The following DLGAP1 variants were observed in gnomAD, a reference collection of about 807,000 sequenced individuals.
DLGAP1 encodes DLG associated protein 1, also known as disks large-associated protein 1.
In DLGAP1, 11 loss-of-function variants were observed where a neutral mutation model predicts 90.8. The observed-to-expected ratio is 0.12, with a 90% CI of 0.08 to 0.20. The LOEUF (loss-of-function observed/expected upper bound fraction) is 0.20, where lower values mean the gene tolerates loss of function less well. Among genes scored for constraint, DLGAP1 ranks in the 10% least tolerant of loss-of-function variants. The pLI is 1.00. For synonymous variants in DLGAP1, 558 were observed against 540.7 expected, an observed-to-expected ratio of 1.03 and a Z score of -0.44; for missense variants, 1,050 against 1,333.8, an observed-to-expected ratio of 0.79 and a Z score of 3.31.
At chr18:3,598,222 ATG>A (rs2056695483) in intron 7 of DLGAP1, 3 of 152,230 alleles carry the variant, frequency 2.0e-5, no homozygotes, top group Non-Finnish European at 4.4e-5. Flanking sequence ...GTAGTGGCGC[ATG>A]CCTGTAGTCC....
chr18:3,514,252 A>G (rs944320474), intron 10 of DLGAP1, among the ~76,000 whole-genome samples: 3 of 152,222 alleles, frequency 2.0e-5, no homozygotes, highest in East Asian at 3.9e-4. Flanking sequence ...GATTACAGGC[A>G]TGAGCCACTG....
rs563867620 is a variant in DLGAP1, at chr18:4,061,424, G to A, written c.-158-56223C>T. ...TGAACATATTAGCTAAATTTAAAGG[G>A]GTATTATTCAGTTTACCCATAAATT... On this transcript the variant is annotated intron_variant, in intron 2 of 12. Coordinates refer to ENST00000315677, the MANE Select transcript of DLGAP1 (RefSeq NM_004746.4). Among the ~76,000 whole-genome samples the A allele has an allele frequency of 2.0e-5, 3 of 152,016 alleles. No homozygotes were observed. In the East Asian group the frequency reaches 5.8e-4, roughly 29 times the overall value.
chr18:3,573,050 A>G (rs1175749510), intron 8 of DLGAP1, among the ~76,000 whole-genome samples: 1 of 152,222 alleles, frequency 6.6e-6, no homozygotes, highest in East Asian at 1.9e-4. Flanking sequence ...AGATCAGTAA[A>G]GGTATATTAT....
chr18:3,616,791 A>G (rs1397672854), intron 7 of DLGAP1, among the ~76,000 whole-genome samples: 1 of 152,026 alleles, frequency 6.6e-6, no homozygotes, highest in Non-Finnish European at 1.5e-5. Flanking sequence ...GGAAAAAAAA[A>G]AGAGGTGGAC....
chr18:4,359,154 A>T (rs2144080070), intron 1 of DLGAP1, among the ~76,000 whole-genome samples: 1 of 152,346 alleles, frequency 6.6e-6, no homozygotes, highest in Middle Eastern at 3.4e-3. Flanking sequence ...AAGCAAAGAT[A>T]TTAGTGAGGA....
chr18:3,736,112 A>G (rs2062626942), intron 6 of DLGAP1, among the ~76,000 whole-genome samples: 1 of 152,208 alleles, frequency 6.6e-6, no homozygotes, highest in South Asian at 2.1e-4. Context: ...ACATGTTGCC[A>G]GAGAAAATAT....
chr18:3,635,300 T>A (rs944664817), intron 7 of DLGAP1, among the ~76,000 whole-genome samples: 4 of 151,956 alleles, frequency 2.6e-5, no homozygotes, highest in African/African-American at 9.7e-5. Context: ...CCGGCTGATT[T>A]TTTTGTATTG....
chr18:4,339,184 T>C (rs768892396), intron 1 of DLGAP1, among the ~76,000 whole-genome samples: 7 of 152,212 alleles, frequency 4.6e-5, no homozygotes, highest in African/African-American at 1.7e-4. Context: ...TTCATCTATA[T>C]GTACAAACTT....
intron 1 of DLGAP1, among the ~76,000 whole-genome samples, chr18:4,401,184 AG>A (rs1238871502): frequency 6.6e-6 from 1 of 152,210 alleles, no homozygotes; most frequent in Non-Finnish European, 1.5e-5. Context: ...TTAGAGGTGG[AG>A]CCAAACCAAT....
At chr18:4,080,530 C>T (rs545932908) in intron 2 of DLGAP1, among the ~76,000 whole-genome samples, 13 of 152,218 alleles carry the variant, frequency 8.5e-5, no homozygotes, top group Non-Finnish European at 1.9e-4. Flanking sequence ...TGTAGAGAAT[C>T]TGCATTGATG....
At chr18:4,300,097 A>G (rs2080087266) in intron 1 of DLGAP1, among the ~76,000 whole-genome samples, 1 of 152,186 alleles carries the variant, frequency 6.6e-6, no homozygotes, top group Non-Finnish European at 1.5e-5. Flanking sequence ...TGTCCTTTTT[A>G]TACAAAAGCA....
intron 1 of DLGAP1, among the ~76,000 whole-genome samples, chr18:4,305,779 A>G (rs2080237245): frequency 6.6e-6 from 1 of 152,164 alleles, no homozygotes; most frequent in Admixed American, 6.5e-5. Context: ...TTCAAAGCCT[A>G]TGTTTTAAAT....
At chr18:4,376,728 T>A (rs1027141543) in intron 1 of DLGAP1, among the ~76,000 whole-genome samples, 2 of 152,170 alleles carry the variant, frequency 1.3e-5, no homozygotes, top group South Asian at 2.1e-4. Flanking sequence ...TGATTCTTAA[T>A]GGGTTGTGTT....
intron 1 of DLGAP1, among the ~76,000 whole-genome samples, chr18:4,197,199 A>AAAAAAAAAAAAAG (rs1555760529): frequency 6.9e-6 from 1 of 144,386 alleles, no homozygotes; most frequent in African/African-American, 2.7e-5. Flanking sequence ...AAAAAAAAAA[A>AAAAAAAAAAAAAG]AAAAAAAAAG....
chr18:4,241,480 A>G (rs1329553059), intron 1 of DLGAP1, among the ~76,000 whole-genome samples: 2 of 152,222 alleles, frequency 1.3e-5, no homozygotes, highest in Non-Finnish European at 2.9e-5. Context: ...GTAACATCAA[A>G]GCTGTGTCAG....
At chr18:3,827,775 T>C (rs1374365040) in intron 4 of DLGAP1, among the ~76,000 whole-genome samples, 1 of 152,224 alleles carries the variant, frequency 6.6e-6, no homozygotes, top group Non-Finnish European at 1.5e-5. Context: ...TTGTATTCTA[T>C]TTAATTAAAA....
At chr18:4,413,749 A>T (rs892056905) in intron 1 of DLGAP1, among the ~76,000 whole-genome samples, 2 of 152,218 alleles carry the variant, frequency 1.3e-5, no homozygotes, top group Non-Finnish European at 2.9e-5. Context: ...AAGGAAAGAT[A>T]AAAGGGTTTC....
chr18:4,098,885 G>T (rs184546410), intron 2 of DLGAP1, among the ~76,000 whole-genome samples: 1 of 152,132 alleles, frequency 6.6e-6, no homozygotes, highest in Non-Finnish European at 1.5e-5. Flanking sequence ...AGTAAGTTGT[G>T]TAAAATCCTA....
chr18:3,669,667 T>C (rs1430858270), intron 7 of DLGAP1, among the ~76,000 whole-genome samples: 1 of 152,092 alleles, frequency 6.6e-6, no homozygotes, highest in Non-Finnish European at 1.5e-5. Context: ...GTGGCCCAAC[T>C]CTAGGGGAAG....
Sources: gnomAD v4.1 joint callset for allele counts (sites outside exome capture counted in the v4.1 genomes callset) on GRCh38, gnomAD v4.1.1 for gene constraint, MANE v1.5 for transcripts, NCBI Gene and HGNC (gene_info 2026-07-23, HGNC 2026-07-21) for gene names.